Variants in ALDH1A2 observed in about 807,000 individuals in gnomAD.
The protein encoded by ALDH1A2 is aldehyde dehydrogenase 1 family member A2.
A neutral mutation model predicts 60.3 loss-of-function variants in ALDH1A2; 27 were observed. The ratio of observed to expected loss-of-function variants is 0.45; its 90% CI spans 0.33 to 0.62. The LOEUF is 0.62. ALDH1A2 is among the 20% of genes least tolerant of loss of function. ALDH1A2 has a pLI of 0.02. For synonymous variants in ALDH1A2, 289 were observed against 232.4 expected, an observed-to-expected ratio of 1.24 and a Z score of -2.21; for missense variants, 581 against 643.8, an observed-to-expected ratio of 0.90 and a Z score of 1.06.
intron 1 of ALDH1A2, among the ~76,000 whole-genome samples, chr15:58,055,459 T>C (rs35030497): frequency 0.015 from 2,224 of 152,160 alleles, 34 homozygotes; most frequent in Non-Finnish European, 0.022. Context: ...TATAATCTAG[T>C]ACAGTTTAGA....
Position 58,061,509 on chromosome 15 carries a change from C to T in ALDH1A2, c.117+4025G>A, listed in dbSNP as rs181393822. ...AATCAAAAGTCACAAAAGATAGCTC[C>T]TTCTTAAGAGGGGTAGACTAGTTCA... On this transcript the variant is annotated intron_variant, in intron 1 of 12. Coordinates refer to ENST00000249750, the MANE Select transcript of ALDH1A2 (RefSeq NM_003888.4). 3.4e-5 allele frequency among the ~76,000 whole-genome samples: 5 copies of T among 148,606 alleles called. No homozygotes were observed. The East Asian group carries it at 1.0e-3, about 30-fold the overall frequency.
chr15:57,999,750 A>G (rs1266139721), intron 4 of ALDH1A2, among the ~76,000 whole-genome samples: 2 of 152,096 alleles, frequency 1.3e-5, no homozygotes, highest in Non-Finnish European at 2.9e-5. Flanking sequence ...TCTGTTATAA[A>G]GATACATGCA....
At chr15:58,039,065 A>G (rs557658411) in intron 1 of ALDH1A2, among the ~76,000 whole-genome samples, 31 of 151,908 alleles carry the variant, frequency 2.0e-4, no homozygotes, top group Admixed American at 1.3e-3. Context: ...TTCTTTTGCA[A>G]TAAGTTTGCA....
chr15:57,956,840 C>T (rs1566926672), intron 12 of ALDH1A2, among the ~76,000 whole-genome samples: 1 of 152,182 alleles, frequency 6.6e-6, no homozygotes, highest in Admixed American at 6.5e-5. Context: ...GGTCGCGAGC[C>T]ACACTTCACC....
chr15:57,986,045 A>T (rs1057013576), intron 7 of ALDH1A2, among the ~76,000 whole-genome samples: 1 of 152,236 alleles, frequency 6.6e-6, no homozygotes, highest in Non-Finnish European at 1.5e-5. Flanking sequence ...CATGAAACCT[A>T]AAGAAAATCA....
intron 1 of ALDH1A2, chr15:58,058,207 G>T: frequency 1.4e-6 from 1 of 713,718 alleles, no homozygotes; most frequent in Non-Finnish European, 2.4e-6. Context: ...CTTCCCACCT[G>T]AAATCGTGCC....
At chr15:57,974,029 T>TTTTA (rs1894157005) in intron 7 of ALDH1A2, among the ~76,000 whole-genome samples, 2 of 152,240 alleles carry the variant, frequency 1.3e-5, no homozygotes, top group Non-Finnish European at 2.9e-5. Flanking sequence ...GTTGTTAATG[T>TTTTA]TTTATTTGTG....
intron 1 of ALDH1A2, among the ~76,000 whole-genome samples, chr15:58,054,583 T>C (rs761171641): frequency 1.3e-5 from 2 of 152,104 alleles, no homozygotes; most frequent in African/African-American, 2.4e-5. Context: ...CACCCAACTC[T>C]TTCTGGCAAG....
At chr15:58,004,813 A>C (rs1198757834) in intron 4 of ALDH1A2, among the ~76,000 whole-genome samples, 1 of 150,056 alleles carries the variant, frequency 6.7e-6, no homozygotes, top group Non-Finnish European at 1.5e-5. Context: ...AAAATACCTA[A>C]CAATATTTAA....
intron 1 of ALDH1A2, chr15:58,014,596 T>C (rs547321625): frequency 2.1e-6 from 1 of 466,438 alleles, no homozygotes; most frequent in Admixed American, 2.3e-5. Context: ...GAGTTATCGA[T>C]AGCCCAAGCT....
At chr15:58,045,438 C>T (rs144857521) in intron 1 of ALDH1A2, among the ~76,000 whole-genome samples, 167 of 152,076 alleles carry the variant, frequency 1.1e-3, no homozygotes, top group African/African-American at 3.7e-3. Context: ...TAAAGACACA[C>T]GCACACGTAT....
chr15:58,042,430 C>G (rs1030716899), intron 1 of ALDH1A2, among the ~76,000 whole-genome samples: 2 of 151,894 alleles, frequency 1.3e-5, no homozygotes, highest in Non-Finnish European at 2.9e-5. Context: ...ACATAAGGAA[C>G]AGTAAAATAG....
intron 7 of ALDH1A2, among the ~76,000 whole-genome samples, chr15:57,974,105 A>ACAGT (rs1418569441): frequency 5.9e-5 from 9 of 152,216 alleles, no homozygotes; most frequent in African/African-American, 2.2e-4. Flanking sequence ...TTGCGATGCA[A>ACAGT]CAGTCACACA....
intron 1 of ALDH1A2, chr15:58,038,484 C>T (rs1335238670): frequency 6.6e-6 from 1 of 151,632 alleles, no homozygotes; most frequent in African/African-American, 2.4e-5. Flanking sequence ...TAAAACAGAC[C>T]CAGTTACGTG....
At chr15:58,017,731 G>A (rs1425616224) in intron 1 of ALDH1A2, among the ~76,000 whole-genome samples, 1 of 152,028 alleles carries the variant, frequency 6.6e-6, no homozygotes, top group East Asian at 1.9e-4. Context: ...AAATAAAAAC[G>A]TGGTTTGCTA....
intron 1 of ALDH1A2, among the ~76,000 whole-genome samples, chr15:58,036,212 GCA>G (rs1452755290): frequency 1.1e-4 from 17 of 151,436 alleles, no homozygotes; most frequent in African/African-American, 4.1e-4. Context: ...TACAAATTTA[GCA>G]CAAAGTCCCA....
intron 7 of ALDH1A2, 152 bp downstream of exon 7, chr15:57,992,553 C>T: frequency 1.3e-6 from 1 of 752,748 alleles, no homozygotes; most frequent in Non-Finnish European, 2.3e-6. Flanking sequence ...TCACATCCAC[C>T]AGTGTTCTAT....
At chr15:58,041,276 A>G (rs138766315) in intron 1 of ALDH1A2, among the ~76,000 whole-genome samples, 112 of 152,072 alleles carry the variant, frequency 7.4e-4, no homozygotes, top group African/African-American at 2.4e-3. Flanking sequence ...TTTTCCATCA[A>G]TAATATGTCC....
rs907317337 is a variant in ALDH1A2 at position 58,021,427 on chromosome 15, T to C, written c.118-7146A>G. Among the ~76,000 whole-genome samples, 4 of 151,676 alleles carry C rather than the reference T, an allele frequency of 2.6e-5. No homozygotes were observed. The East Asian group carries it at 7.8e-4, about 29-fold the overall frequency. ...ACTGGGATCAGCTGGGAGCCAGGAG[T>C]GATTTCCCAAAGTGGGAAATGGGTG... is the stretch of plus-strand genomic sequence containing the variant. On this transcript the variant is annotated intron_variant, in intron 1 of 12. Transcript: ENST00000249750.
Sources: allele counts gnomAD v4.1 joint callset (sites outside exome capture counted in the v4.1 genomes callset), GRCh38; gene constraint gnomAD v4.1.1; transcripts MANE v1.5; gene names NCBI Gene and HGNC (gene_info 2026-07-23, HGNC 2026-07-21).